The following DAB1 variants were observed in gnomAD, a reference collection of about 807,000 sequenced individuals.
DAB1 encodes disabled homolog 1.
Under a neutral mutation model 64.6 loss-of-function variants are expected in DAB1, and 15 were observed. That is an observed-to-expected ratio of 0.23 (90% CI 0.16 to 0.36). The LOEUF (loss-of-function observed/expected upper bound fraction) is 0.36. Among genes scored for constraint, DAB1 ranks in the 10% least tolerant of loss-of-function variants. The pLI is 1.00. For missense variants in DAB1, 596 were observed against 706.7 expected, an observed-to-expected ratio of 0.84 and a Z score of 1.78; for synonymous variants, 235 against 251.9, an observed-to-expected ratio of 0.93 and a Z score of 0.64.
chr1:58,429,760 G>A (rs540290744), intron 3 of DAB1, among the ~76,000 whole-genome samples: 16 of 152,302 alleles, frequency 1.1e-4, no homozygotes, highest in Admixed American at 3.3e-4. Flanking sequence ...CACTCCCTGA[G>A]CACCGCTTGC....
intron 7 of DAB1, among the ~76,000 whole-genome samples, chr1:57,641,378 GGTTTTTTTTTT>G (rs1206401026): frequency 3.6e-5 from 4 of 109,804 alleles, no homozygotes; most frequent in African/African-American, 1.3e-4. Context: ...TTTTTTTGTT[GGTTTTTTTTTT>G]TTTTTTTTTT....
At chr1:58,479,179 T>C (rs1007580451) in intron 3 of DAB1, among the ~76,000 whole-genome samples, 1 of 152,206 alleles carries the variant, frequency 6.6e-6, no homozygotes, top group Admixed American at 6.5e-5. Context: ...ATTATTTTCC[T>C]AGGAAATCTG....
At chr1:57,556,879 C>T (rs866651469) in intron 7 of DAB1, among the ~76,000 whole-genome samples, 10 of 152,262 alleles carry the variant, frequency 6.6e-5, no homozygotes, top group Middle Eastern at 3.4e-3. Context: ...GTTTTTCCAA[C>T]GTTATCTTCT....
chr1:58,295,863 G>A (rs1166719043), intron 4 of DAB1, among the ~76,000 whole-genome samples: 4 of 151,580 alleles, frequency 2.6e-5, no homozygotes, highest in Non-Finnish European at 2.9e-5. Flanking sequence ...GGTCAAGGTG[G>A]GTGGATTACT....
intron 5 of DAB1, among the ~76,000 whole-genome samples, chr1:58,112,866 C>T (rs138278775): frequency 1.0e-3 from 157 of 152,186 alleles, no homozygotes; most frequent in African/African-American, 3.7e-3. Flanking sequence ...AAAATGGAAG[C>T]CTCTGGAAGG....
chr1:57,277,192 G>C (rs1375269180), intron 2 of DAB1, among the ~76,000 whole-genome samples: 2 of 152,118 alleles, frequency 1.3e-5, no homozygotes, highest in Non-Finnish European at 2.9e-5. Context: ...TTTATTAGAA[G>C]CTACTATGGT....
At chr1:57,067,731 C>T (rs1429193775) in intron 8 of DAB1, among the ~76,000 whole-genome samples, 1 of 152,052 alleles carries the variant, frequency 6.6e-6, no homozygotes, top group African/African-American at 2.4e-5. Flanking sequence ...GATGAGTAAA[C>T]TGAAGCCCAG....
At chr1:57,336,149 T>A (rs376223111) in intron 1 of DAB1, among the ~76,000 whole-genome samples, 6 of 152,324 alleles carry the variant, frequency 3.9e-5, no homozygotes, top group African/African-American at 1.4e-4. Context: ...CCCCTTGTTA[T>A]TTTTTTCTCC....
intron 5 of DAB1, among the ~76,000 whole-genome samples, chr1:57,917,531 A>T (rs1217876410): frequency 6.6e-6 from 1 of 152,168 alleles, no homozygotes; most frequent in East Asian, 1.9e-4. Context: ...TGTTGTACTA[A>T]TATTTCTTCT....
At chr1:57,538,440 CA>C (rs1644756899) in intron 7 of DAB1, among the ~76,000 whole-genome samples, 1 of 152,096 alleles carries the variant, frequency 6.6e-6, no homozygotes, top group Non-Finnish European at 1.5e-5. Flanking sequence ...TCCTGCAAAA[CA>C]AAAAACTCCC....
chr1:58,306,135 A>T (rs974111497), intron 4 of DAB1, among the ~76,000 whole-genome samples: 1 of 152,222 alleles, frequency 6.6e-6, no homozygotes, highest in Non-Finnish European at 1.5e-5. Context: ...GAAGAACCTC[A>T]AGTGAGCACT....
intron 1 of DAB1, among the ~76,000 whole-genome samples, chr1:57,395,743 T>C (rs149729349): frequency 2.8e-5 from 4 of 144,998 alleles, no homozygotes; most frequent in African/African-American, 8.2e-5. Context: ...GGCTACCATA[T>C]TAGGGAATAC....
intron 2 of DAB1, among the ~76,000 whole-genome samples, chr1:58,526,021 T>C (rs1646344269): frequency 1.3e-5 from 2 of 152,124 alleles, no homozygotes; most frequent in South Asian, 4.1e-4. Flanking sequence ...GATGTTGCCC[T>C]CTTCCTCATA....
chr1:57,587,667 C>T (rs1245713743), intron 7 of DAB1, among the ~76,000 whole-genome samples: 1 of 152,188 alleles, frequency 6.6e-6, no homozygotes, highest in African/African-American at 2.4e-5. Flanking sequence ...TGCAGGTCAG[C>T]TTAAATACTT....
intron 1 of DAB1, among the ~76,000 whole-genome samples, chr1:57,859,889 T>C (rs1000757590): frequency 1.3e-5 from 2 of 152,206 alleles, no homozygotes; most frequent in Admixed American, 6.5e-5. Flanking sequence ...AGACCTCTAA[T>C]AAACCTCTCA....
At chr1:57,573,173 C>A (rs961010397) in intron 7 of DAB1, among the ~76,000 whole-genome samples, 1 of 152,086 alleles carries the variant, frequency 6.6e-6, no homozygotes, top group African/African-American at 2.4e-5. Context: ...CTGCAGCCTC[C>A]AACTCCTGGG....
chr1:58,165,284 C>T (rs1655766900), intron 4 of DAB1, among the ~76,000 whole-genome samples: 1 of 152,172 alleles, frequency 6.6e-6, no homozygotes, highest in African/African-American at 2.4e-5. Flanking sequence ...GATTACTCAC[C>T]AAGTGCCTGG....
chr1:57,585,397 A>T (rs1386969160), intron 7 of DAB1, among the ~76,000 whole-genome samples: 1 of 151,978 alleles, frequency 6.6e-6, no homozygotes, highest in African/African-American at 2.4e-5. Context: ...TGTTGCCAAT[A>T]TTTTTTTAAA....
At chr1:57,640,028 A>C (rs1646109169) in intron 7 of DAB1, among the ~76,000 whole-genome samples, 1 of 152,198 alleles carries the variant, frequency 6.6e-6, no homozygotes, top group Admixed American at 6.5e-5. Context: ...CAGCGGTTCC[A>C]TCAAAGGCCA....
Sources: gnomAD v4.1 joint callset for allele counts (sites outside exome capture counted in the v4.1 genomes callset) on GRCh38, gnomAD v4.1.1 for gene constraint, MANE v1.5 for transcripts, NCBI Gene and HGNC (gene_info 2026-07-23, HGNC 2026-07-21) for gene names.